EGFR: variants seen among roughly 807,000 people sequenced by gnomAD.
The protein encoded by EGFR is epidermal growth factor receptor, also known as avian erythroblastic leukemia viral (v-erb-b) oncogene homolog.
A neutral mutation model predicts 143.0 loss-of-function variants in EGFR; 58 were observed. The ratio of observed to expected loss-of-function variants is 0.41; its 90% CI spans 0.33 to 0.50. The LOEUF (loss-of-function observed/expected upper bound fraction) is 0.50, where lower values mean the gene tolerates loss of function less well. Ranked by LOEUF, EGFR falls within the 20% of genes least tolerant of loss-of-function variation. The pLI is 0.39. For synonymous variants in EGFR, 613 were observed against 594.4 expected, an observed-to-expected ratio of 1.03 and a Z score of -0.45; for missense variants, 1,307 against 1,579.0, an observed-to-expected ratio of 0.83 and a Z score of 2.92.
intron 7 of EGFR, among the ~76,000 whole-genome samples, chr7:55,154,370 G>T (rs1254164928): frequency 6.6e-6 from 1 of 152,232 alleles, no homozygotes; most frequent in African/African-American, 2.4e-5. Flanking sequence ...CACCCATGGG[G>T]GCTGCTCAGT....
chr7:55,095,143 T>C (rs1791375814), intron 1 of EGFR, among the ~76,000 whole-genome samples: 1 of 152,218 alleles, frequency 6.6e-6, no homozygotes, highest in South Asian at 2.1e-4. Context: ...GGCTCTGGTC[T>C]AAGTGCAAAA....
At chr7:55,111,996 T>C (rs941542607) in intron 1 of EGFR, among the ~76,000 whole-genome samples, 4 of 152,174 alleles carry the variant, frequency 2.6e-5, no homozygotes, top group African/African-American at 2.4e-5. Context: ...GGTCTCTGGC[T>C]GATGGGTGCC....
Position 55,174,718 on chromosome 7 carries a change from A to G in EGFR, c.2185-4A>G, listed in dbSNP as rs919622072. ...TTAACGTCTTCCTTCTCTCTCTGTC[A>G]TAGGGACTCTGGATCCCAGAAGGTG... On this transcript the variant is annotated splice_polypyrimidine_tract_variant and splice_region_variant and intron_variant, in intron 18 of 27. Coordinates refer to ENST00000275493, the MANE Select transcript of EGFR (RefSeq NM_005228.5). 6.2e-7 allele frequency: 1 copy of G among 1,612,092 alleles called. No homozygotes were observed. Among genetic ancestry groups the G allele is most frequent in the Non-Finnish European group, 8.5e-7 (1 of 1,178,252 alleles).
At chr7:55,043,640 A>C (rs1482483955) in intron 1 of EGFR, among the ~76,000 whole-genome samples, 1 of 152,194 alleles carries the variant, frequency 6.6e-6, no homozygotes, top group Non-Finnish European at 1.5e-5. Context: ...CCGGGATTAC[A>C]GGTGTGAGCC....
rs1343888047 is a variant in EGFR, at chr7:55,155,910, C to T, written c.970C>T (p.Arg324Cys). ...DSYEMEEDGV[R>C]KCKKCEGPCR... ...CTATGAGATGGAGGAAGACGGCGTC[C>T]GCAAGTGTAAGAAGTGCGAAGGGCC... The change falls in exon 8 of 28, where the codon CGC becomes TGC. Residue 324 changes from arginine to cysteine, a missense_variant. Coordinates refer to ENST00000275493, the MANE Select transcript of EGFR (RefSeq NM_005228.5). 6.2e-7 allele frequency: 1 copy of T among 1,614,028 alleles called. No individual in the cohort carries two copies. Among genetic ancestry groups the T allele is most frequent in the East Asian group, 2.2e-5 (1 of 44,864 alleles).
At chr7:55,081,008 A>G (rs564994156) in intron 1 of EGFR, among the ~76,000 whole-genome samples, 61 of 152,262 alleles carry the variant, frequency 4.0e-4, no homozygotes, top group African/African-American at 1.4e-3. Context: ...CTACTTAGAA[A>G]TGCCCTGCAA....
At chr7:55,020,592 A>ACACACC (rs1168053812) in intron 1 of EGFR, among the ~76,000 whole-genome samples, 9 of 150,972 alleles carry the variant, frequency 6.0e-5, no homozygotes, top group Admixed American at 5.9e-4. Flanking sequence ...ACACACACAC[A>ACACACC]CCGGATTGCT....
At chr7:55,102,202 C>T (rs1791875463) in intron 1 of EGFR, among the ~76,000 whole-genome samples, 1 of 152,198 alleles carries the variant, frequency 6.6e-6, no homozygotes, top group African/African-American at 2.4e-5. Flanking sequence ...CTCCCCACTC[C>T]CACCTGTAAG....
At chr7:55,066,500 C>A (rs1245757149) in intron 1 of EGFR, among the ~76,000 whole-genome samples, 2 of 152,210 alleles carry the variant, frequency 1.3e-5, no homozygotes, top group Non-Finnish European at 2.9e-5. Flanking sequence ...AATATAAAAC[C>A]AAAATTTCTG....
intron 20 of EGFR, among the ~76,000 whole-genome samples, chr7:55,184,513 C>A (rs1787044606): frequency 6.6e-6 from 1 of 152,206 alleles, no homozygotes; most frequent in South Asian, 2.1e-4. Context: ...GTGTCCATTA[C>A]AGAGAATAAA....
rs1169320642 is a variant in EGFR, at chr7:55,154,256, T to C, written c.889+104T>C. 4 of 1,565,520 alleles carry C rather than the reference T, an allele frequency of 2.6e-6. No individual in the cohort carries two copies. The South Asian group carries it at 4.6e-5, about 18-fold the overall frequency. ...CCATCTTGGAGAGTCTTTGGGTGGA[T>C]GTGTTTGCCTTGCTTGGAGGAGGCG... On this transcript the variant is annotated intron_variant, in intron 7 of 27. Coordinates refer to ENST00000275493, the MANE Select transcript of EGFR (RefSeq NM_005228.5).
chr7:55,042,115 C>G (rs1434956051), intron 1 of EGFR, among the ~76,000 whole-genome samples: 1 of 152,160 alleles, frequency 6.6e-6, no homozygotes, highest in Non-Finnish European at 1.5e-5. Flanking sequence ...ATTATTTTTG[C>G]ATGAAATATG....
intron 1 of EGFR, among the ~76,000 whole-genome samples, chr7:55,113,332 T>C (rs997031280): frequency 6.6e-6 from 1 of 152,184 alleles, no homozygotes; most frequent in Non-Finnish European, 1.5e-5. Flanking sequence ...TCAGTAAACA[T>C]GGTATTGCCT....
chr7:55,202,468 A>G (rs1222434174), intron 26 of EGFR, 49 bp from the exon 27 acceptor site: 2 of 1,495,964 alleles, frequency 1.3e-6, no homozygotes, highest in Admixed American at 1.9e-5. Flanking sequence ...CAAACACTGA[A>G]GTTGGGGCAG....
intron 1 of EGFR, among the ~76,000 whole-genome samples, chr7:55,043,165 G>A (rs1583895132): frequency 6.6e-6 from 1 of 152,066 alleles, no homozygotes; most frequent in Non-Finnish European, 1.5e-5. Context: ...CTGAAATATG[G>A]CCTACGAGCT....
At position 55,186,431 on chromosome 7, in the gene EGFR, A is replaced by G. The variant is rs565069294; in HGVS notation, c.2469+4953A>G. Among the ~76,000 whole-genome samples, 147 of 152,234 alleles carry G rather than the reference A, an allele frequency of 9.7e-4. 2 individuals are homozygous for G. The highest frequency in any genetic ancestry group is 3.4e-3 in the African/African-American group (142 of 41,538). On this transcript the variant is annotated intron_variant, in intron 20 of 27. Transcript: ENST00000275493. Reference sequence around the variant, plus strand: ...GACTAACTGTGGCCCCAGGGTGGTGACTCAGCCCTGCACCTCCTGATCCCG... The same window carrying G: ...GACTAACTGTGGCCCCAGGGTGGTGGCTCAGCCCTGCACCTCCTGATCCCG...
chr7:55,173,152 G>A (rs1584222754), intron 17 of EGFR, 28 bp downstream of exon 17: 1 of 1,605,170 alleles, frequency 6.2e-7, no homozygotes, highest in Non-Finnish European at 8.5e-7. Flanking sequence ...GTGGGCTCAG[G>A]AGCCCTCGCA....
chr7:55,055,380 G>A (rs976094928), intron 1 of EGFR, among the ~76,000 whole-genome samples: 1 of 152,004 alleles, frequency 6.6e-6, no homozygotes, highest in African/African-American at 2.4e-5. Context: ...GTTGAGTATC[G>A]CTGTTCTAAC....
intron 1 of EGFR, among the ~76,000 whole-genome samples, chr7:55,051,744 C>T (rs1788502070): frequency 6.6e-6 from 1 of 152,196 alleles, no homozygotes; most frequent in Admixed American, 6.5e-5. Flanking sequence ...CAAACATGAT[C>T]TGGCCCTCAG....
Sources: allele counts gnomAD v4.1 joint callset (sites outside exome capture counted in the v4.1 genomes callset), GRCh38; gene constraint gnomAD v4.1.1; transcripts MANE v1.5; gene names NCBI Gene and HGNC (gene_info 2026-07-23, HGNC 2026-07-21).